Variants in BNC2 observed in about 807,000 individuals in gnomAD.
BNC2 encodes the protein basonuclin zinc finger protein 2, also known as zinc finger protein basonuclin-2.
BNC2 carries 20 observed loss-of-function variants against 76.3 expected under a neutral mutation model. The ratio of observed to expected loss-of-function variants is 0.26; its 90% CI spans 0.18 to 0.38. BNC2 has a LOEUF of 0.38. Ranked by LOEUF, BNC2 falls within the 10% of genes least tolerant of loss-of-function variation. The pLI is 1.00. For synonymous variants in BNC2, 582 were observed against 514.8 expected (o/e 1.13, Z -1.77); for missense variants, 1,382 against 1,399.8 (o/e 0.99, Z 0.20).
At chr9:16,859,042 C>T (rs775670330) in intron 1 of BNC2, among the ~76,000 whole-genome samples, 4 of 151,958 alleles carry the variant, frequency 2.6e-5, no homozygotes, top group Non-Finnish European at 5.9e-5. Context: ...AGGTGAAGGA[C>T]TTGAATAGAT....
intron 1 of BNC2, among the ~76,000 whole-genome samples, chr9:16,775,355 A>G (rs2135494467): frequency 6.6e-6 from 1 of 151,662 alleles, no homozygotes; most frequent in African/African-American, 2.4e-5. Flanking sequence ...TCCACAGTGA[A>G]GGAGTCCATA....
chr9:16,577,112 A>T (rs139742815), intron 4 of BNC2, among the ~76,000 whole-genome samples: 4 of 152,250 alleles, frequency 2.6e-5, no homozygotes, highest in African/African-American at 9.6e-5. Flanking sequence ...TCTGAATAGG[A>T]TTTTCTTTTA....
chr9:16,842,771 G>T (rs1586927537), intron 1 of BNC2, among the ~76,000 whole-genome samples: 1 of 151,412 alleles, frequency 6.6e-6, no homozygotes, highest in Middle Eastern at 3.4e-3. Context: ...GTTTTACTTT[G>T]TTTTTTGGAG....
intron 3 of BNC2, among the ~76,000 whole-genome samples, chr9:16,609,794 C>T (rs1156418169): frequency 6.6e-6 from 1 of 152,118 alleles, no homozygotes; most frequent in African/African-American, 2.4e-5. Context: ...GTTGCTCTTC[C>T]CCCTTGTCTC....
At chr9:16,688,184 G>A (rs1014165429) in intron 3 of BNC2, among the ~76,000 whole-genome samples, 6 of 152,078 alleles carry the variant, frequency 3.9e-5, no homozygotes, top group Non-Finnish European at 7.4e-5. Flanking sequence ...CACAATCAGC[G>A]TCATCAGTTA....
chr9:16,833,913 G>C (rs1818641360), intron 1 of BNC2, among the ~76,000 whole-genome samples: 1 of 152,004 alleles, frequency 6.6e-6, no homozygotes, highest in Admixed American at 6.6e-5. Context: ...CAATTACAAT[G>C]GCCTGTCCAC....
chr9:16,672,847 A>T (rs2134196679), intron 3 of BNC2, among the ~76,000 whole-genome samples: 1 of 152,360 alleles, frequency 6.6e-6, no homozygotes, highest in East Asian at 1.9e-4. Flanking sequence ...AAGGTAAATA[A>T]AATCTACATC....
intron 3 of BNC2, among the ~76,000 whole-genome samples, chr9:16,634,951 A>G (rs1301977439): frequency 6.6e-6 from 1 of 152,064 alleles, no homozygotes; most frequent in African/African-American, 2.4e-5. Flanking sequence ...CATTATGGAC[A>G]TTGTAGCTTG....
chr9:16,624,519 G>C (rs930315532), intron 3 of BNC2, among the ~76,000 whole-genome samples: 2 of 152,204 alleles, frequency 1.3e-5, no homozygotes, highest in South Asian at 2.1e-4. Context: ...AACAGATCAG[G>C]TCACTTGAGT....
At chr9:16,432,118 G>C (rs1820920712) in intron 6 of BNC2, among the ~76,000 whole-genome samples, 1 of 152,198 alleles carries the variant, frequency 6.6e-6, no homozygotes, top group Non-Finnish European at 1.5e-5. Context: ...AGATGAATCA[G>C]ATTTTGTGTG....
intron 5 of BNC2, among the ~76,000 whole-genome samples, chr9:16,538,426 T>A (rs1818195112): frequency 6.6e-6 from 1 of 152,166 alleles, no homozygotes; most frequent in Non-Finnish European, 1.5e-5. Context: ...ACTCCCCACG[T>A]GGCACTGGCA....
At chr9:16,425,450 GAC>G (rs1186678306) in intron 6 of BNC2, among the ~76,000 whole-genome samples, 2 of 152,126 alleles carry the variant, frequency 1.3e-5, no homozygotes. Flanking sequence ...AGACAAAATT[GAC>G]AGTCTCATCT....
intron 1 of BNC2, among the ~76,000 whole-genome samples, chr9:16,763,674 C>T (rs540033537): frequency 1.3e-5 from 2 of 152,258 alleles, no homozygotes; most frequent in Admixed American, 1.3e-4. Flanking sequence ...AGGGAGAACC[C>T]ATCATTCAGG....
chr9:16,697,672 G>T (rs953711105), intron 3 of BNC2, among the ~76,000 whole-genome samples: 57 of 150,966 alleles, frequency 3.8e-4, no homozygotes, highest in Non-Finnish European at 8.0e-4. Context: ...GCAGTGAGCC[G>T]AGATTGCCAC....
chr9:16,780,629 G>A (rs1428316035), intron 1 of BNC2, among the ~76,000 whole-genome samples: 1 of 151,960 alleles, frequency 6.6e-6, no homozygotes, highest in Non-Finnish European at 1.5e-5. Context: ...TTTCAATAAA[G>A]CTTTTTAAAA....
intron 1 of BNC2, among the ~76,000 whole-genome samples, chr9:16,852,801 G>GA (rs60099744): frequency 0.13 from 19,685 of 151,636 alleles, 2,234 homozygotes; most frequent in East Asian, 0.54. Context: ...GCAAAAGTGT[G>GA]AAAAAAAAGA....
chr9:16,461,115 A>T (rs1445730575), intron 5 of BNC2, among the ~76,000 whole-genome samples: 1 of 152,226 alleles, frequency 6.6e-6, no homozygotes, highest in Non-Finnish European at 1.5e-5. Flanking sequence ...TCTTGGTTAT[A>T]GGTAAAACAT....
rs191225388 is a variant in BNC2, at chr9:16,454,823, A to G, written c.670-17299T>C. 3.3e-5 allele frequency among the ~76,000 whole-genome samples: 5 copies of G among 152,344 alleles called. No individual in the cohort carries two copies. The South Asian group carries it at 6.2e-4, about 19-fold the overall frequency. ...GAAGTTTTACATAATATACTCAGAA[A>G]TAAGAATATTAATATTTTCTAATAC... On this transcript the variant is annotated intron_variant, in intron 5 of 6. Coordinates refer to ENST00000380672, the MANE Select transcript of BNC2 (RefSeq NM_017637.6).
At chr9:16,429,612 G>T (rs1354330594) in intron 6 of BNC2, 1 of 204,004 alleles carries the variant, frequency 4.9e-6, no homozygotes, top group Admixed American at 5.3e-5. Flanking sequence ...AAGAACAGTA[G>T]ATTGTTCCTT....
Sources: gnomAD v4.1 joint callset for allele counts (sites outside exome capture counted in the v4.1 genomes callset) on GRCh38, gnomAD v4.1.1 for gene constraint, MANE v1.5 for transcripts, NCBI Gene and HGNC (gene_info 2026-07-23, HGNC 2026-07-21) for gene names.